Variants in CSMD1 observed in about 807,000 individuals in gnomAD.
The protein encoded by CSMD1 is CUB and Sushi multiple domains 1, also known as CUB and sushi domain-containing protein 1.
A neutral mutation model predicts 417.5 loss-of-function variants in CSMD1; 213 were observed. That is an observed-to-expected ratio of 0.51 (90% CI 0.46 to 0.57). The LOEUF (loss-of-function observed/expected upper bound fraction) is 0.57. CSMD1 is among the 20% of genes least tolerant of loss of function. CSMD1 has a pLI of 0.00. For missense variants in CSMD1, 6,923 were observed against 4,529.7 expected (o/e 1.53, Z -15.17); for synonymous variants, 2,862 against 1,736.8 (o/e 1.65, Z -16.11).
At chr8:3,351,958 C>T (rs1808454801) in intron 21 of CSMD1, among the ~76,000 whole-genome samples, 1 of 152,064 alleles carries the variant, frequency 6.6e-6, no homozygotes, top group African/African-American at 2.4e-5. Context: ...TTAATACCAT[C>T]CTACTGAACA....
rs1160679199 is a variant in CSMD1, at chr8:3,729,922, TAAAAAAAAAA to T, written c.932-21441_932-21432del. On this transcript the variant is annotated intron_variant, in intron 6 of 69. Transcript: ENST00000635120. ...AGAATTATTATTTGCCAATTCAAAG[TAAAAAAAAAA>T]AAAAAAAAAAAAAAAAAAAAAAAAA... Among the ~76,000 whole-genome samples the T allele has an allele frequency of 1.7e-3, 82 of 47,070 alleles. 1 individual carries two copies. Among genetic ancestry groups the T allele is most frequent in the African/African-American group, 0.01 (75 of 7,326 alleles). The allele number at this position is 47,070 out of a possible 152,430, so 30.9% of individuals were successfully genotyped here.
rs114843535 is a variant in CSMD1 at position 4,499,497 on chromosome 8, G to A, written c.303-79432C>T. 2.9e-3 allele frequency among the ~76,000 whole-genome samples: 446 copies of A among 152,302 alleles called. 2 individuals are homozygous for A. Among genetic ancestry groups the A allele is most frequent in the African/African-American group, 0.01 (436 of 41,566 alleles). On this transcript the variant is annotated intron_variant, in intron 2 of 69. Coordinates refer to ENST00000635120, the MANE Select transcript of CSMD1 (RefSeq NM_033225.6). ...CCTGCTTGGTAAATTGCAAGAACCA[G>A]CAAGACTTTCAAGGAGTTACTTTAT...
intron 20 of CSMD1, among the ~76,000 whole-genome samples, chr8:3,364,140 G>C (rs1433075156): frequency 6.6e-6 from 1 of 151,514 alleles, no homozygotes; most frequent in Non-Finnish European, 1.5e-5. Flanking sequence ...TAATAAAGTT[G>C]CTAGTTATTT....
chr8:4,021,233 G>C (rs978680727), intron 4 of CSMD1, among the ~76,000 whole-genome samples: 2 of 152,174 alleles, frequency 1.3e-5, no homozygotes, highest in African/African-American at 4.8e-5. Context: ...AGCATCTTTT[G>C]AAAATCAAAA....
chr8:4,778,172 C>T (rs1171888232), intron 1 of CSMD1, among the ~76,000 whole-genome samples: 1 of 151,972 alleles, frequency 6.6e-6, no homozygotes, highest in African/African-American at 2.4e-5. Flanking sequence ...ACAAATATGT[C>T]ATAAAATTTT....
At chr8:4,326,139 T>C (rs997193093) in intron 3 of CSMD1, among the ~76,000 whole-genome samples, 2 of 152,152 alleles carry the variant, frequency 1.3e-5, no homozygotes, top group Non-Finnish European at 2.9e-5. Context: ...TTCTGAAATA[T>C]TCAGTTTAGA....
chr8:3,925,271 G>A (rs1242992944), intron 5 of CSMD1, among the ~76,000 whole-genome samples: 1 of 152,208 alleles, frequency 6.6e-6, no homozygotes, highest in Non-Finnish European at 1.5e-5. Flanking sequence ...ATGTGCTTCA[G>A]CGATTGCTAC....
chr8:3,928,922 T>A (rs1300854354), intron 5 of CSMD1, among the ~76,000 whole-genome samples: 1 of 150,242 alleles, frequency 6.7e-6, no homozygotes, highest in East Asian at 2.0e-4. Context: ...ATACCTGGAA[T>A]TATTTTATCA....
intron 3 of CSMD1, among the ~76,000 whole-genome samples, chr8:4,369,568 T>A (rs1462630102): frequency 1.3e-5 from 2 of 152,196 alleles, no homozygotes; most frequent in Non-Finnish European, 2.9e-5. Flanking sequence ...TATTGAGTGG[T>A]TGTCTAAGTC....
At chr8:3,017,087 C>G (rs646255) in intron 52 of CSMD1, among the ~76,000 whole-genome samples, 30,352 of 152,188 alleles carry the variant, frequency 0.2, 5,768 homozygotes, top group African/African-American at 0.5. Flanking sequence ...GATGAGATTA[C>G]GGATGTTTGT....
intron 52 of CSMD1, among the ~76,000 whole-genome samples, chr8:3,012,505 G>T (rs940280153): frequency 2.6e-5 from 4 of 152,076 alleles, no homozygotes; most frequent in Non-Finnish European, 5.9e-5. Flanking sequence ...CACAATCTCA[G>T]GAAACAGTAT....
chr8:3,896,652 C>T (rs1013910842), intron 5 of CSMD1, among the ~76,000 whole-genome samples: 1 of 152,136 alleles, frequency 6.6e-6, no homozygotes, highest in African/African-American at 2.4e-5. Context: ...GCTGGGACTA[C>T]AGGCGCCCGC....
chr8:4,166,498 C>T (rs1368214186), intron 3 of CSMD1, among the ~76,000 whole-genome samples: 1 of 152,068 alleles, frequency 6.6e-6, no homozygotes, highest in Non-Finnish European at 1.5e-5. Flanking sequence ...AGTTAAGTAA[C>T]TCAGGAATGG....
chr8:3,199,724 G>C lies in CSMD1; in HGVS notation c.5184C>G (p.Phe1728Leu), dbSNP rs758410432. The C allele has an allele frequency of 1.3e-6, 2 of 1,584,646 alleles. No individual in the cohort carries two copies. Among genetic ancestry groups the C allele is most frequent in the South Asian group, 1.2e-5 (1 of 86,342 alleles). ...KSGASARGFHFVYQAVPRTSD... is the reference protein window; with the variant it reads ...KSGASARGFHLVYQAVPRTSD... ...TGGAGTGACGCTTACCTTGATACAC[G>C]AAGTGGAAGCCGCGGGCAGAGGCAC... Residue 1728 changes from phenylalanine (F) to leucine (L), a missense_variant, in exon 33 of 70, where the codon TTC becomes TTG. Transcript: ENST00000635120.
At chr8:4,787,726 C>A in intron 1 of CSMD1, 1 of 1,589,496 alleles carries the variant, frequency 6.3e-7, no homozygotes, top group Non-Finnish European at 8.6e-7. Context: ...TAATGACCCA[C>A]AGTGGTCTGA....
chr8:4,209,437 T>G (rs1011967231), intron 3 of CSMD1, among the ~76,000 whole-genome samples: 2 of 152,138 alleles, frequency 1.3e-5, no homozygotes, highest in Non-Finnish European at 2.9e-5. Context: ...GAACTCCTCA[T>G]CAAGCCAAGT....
chr8:3,543,578 G>T (rs1214700603), intron 10 of CSMD1, among the ~76,000 whole-genome samples: 1 of 152,004 alleles, frequency 6.6e-6, no homozygotes, highest in Non-Finnish European at 1.5e-5. Context: ...TGATGAATGT[G>T]GGGTATGAGA....
intron 1 of CSMD1, among the ~76,000 whole-genome samples, chr8:4,676,185 G>A (rs780029241): frequency 1.3e-5 from 2 of 152,144 alleles, no homozygotes; most frequent in Non-Finnish European, 2.9e-5. Flanking sequence ...CATAGACCCT[G>A]ACCTAGGCAT....
chr8:3,433,942 G>A (rs1353818741), intron 12 of CSMD1, among the ~76,000 whole-genome samples: 1 of 152,132 alleles, frequency 6.6e-6, no homozygotes, highest in Non-Finnish European at 1.5e-5. Flanking sequence ...ATCTCAGATG[G>A]CTCCCAGGCA....
Sources: gnomAD v4.1 joint callset for allele counts (sites outside exome capture counted in the v4.1 genomes callset) on GRCh38, gnomAD v4.1.1 for gene constraint, MANE v1.5 for transcripts, NCBI Gene and HGNC (gene_info 2026-07-23, HGNC 2026-07-21) for gene names.